CYP4F8: variants seen among roughly 807,000 people sequenced by gnomAD.
The protein encoded by CYP4F8 is cytochrome P450 4F8.
CYP4F8 carries 56 observed loss-of-function variants against 55.0 expected under a neutral mutation model. The ratio of observed to expected loss-of-function variants is 1.02; its 90% CI spans 0.82 to 1.27. The LOEUF (loss-of-function observed/expected upper bound fraction) is 1.27. CYP4F8 is among the 50% of genes most tolerant of loss of function. The pLI is 0.00. For missense variants in CYP4F8, 680 were observed against 682.4 expected (o/e 1.00, Z 0.04); for synonymous variants, 288 against 267.3 (o/e 1.08, Z -0.76).
intron 5 of CYP4F8, chr19:15,621,734 T>G (rs1972196619): frequency 6.4e-6 from 1 of 155,122 alleles, no homozygotes; most frequent in African/African-American, 2.4e-5. Context: ...CCATGGTGTA[T>G]GTGGTCTCAT....
chr19:15,627,108 T>C (rs1221314450), intron 9 of CYP4F8: 2 of 152,210 alleles, frequency 1.3e-5, no homozygotes, highest in Non-Finnish European at 2.9e-5. Flanking sequence ...TTATTTTTAT[T>C]AGTATGCATT....
chr19:15,623,458 G>T, intron 7 of CYP4F8, 83 bp downstream of exon 7: 1 of 1,572,870 alleles, frequency 6.4e-7, no homozygotes, highest in Non-Finnish European at 8.6e-7. Context: ...ACTTGATACA[G>T]AGGGCACTAA....
rs1296062810 is a variant in CYP4F8, at chr19:15,623,113, G to A, written c.656G>A (p.Ser219Asn). Reference protein sequence around the residue: ...SFDSNCQEKPSEYITAIMELS... With the variant: ...SFDSNCQEKPNEYITAIMELS... ...CTGGACTGGCCCTGCAGGAAGCCCA[G>A]TGAATATATTACTGCGATCATGGAG... Residue 219 changes from serine to asparagine, a missense_variant, in exon 7 of 13, where the codon AGT becomes AAT. By Grantham distance (46) the Ser-to-Asn change is conservative. Transcript: ENST00000612078. 6.2e-7 allele frequency: 1 copy of A among 1,613,536 alleles called. No individual in the cohort carries two copies.
intron 2 of CYP4F8, 76 bp downstream of exon 2, chr19:15,615,890 C>T (rs868137899): frequency 1.7e-5 from 13 of 784,008 alleles, no homozygotes; most frequent in Middle Eastern, 2.8e-4. Context: ...GGGGTGGGCT[C>T]GGGTCTGGGA....
intron 9 of CYP4F8, chr19:15,627,603 A>G (rs938740949): frequency 2.0e-5 from 3 of 152,222 alleles, no homozygotes; most frequent in Admixed American, 6.5e-5. Flanking sequence ...TGATTAGTTT[A>G]GAAATAATTG....
intron 3 of CYP4F8, 144 bp from the exon 4 acceptor site, chr19:15,619,346 T>C: frequency 4.7e-6 from 4 of 849,116 alleles, no homozygotes; most frequent in Non-Finnish European, 7.2e-6. Flanking sequence ...CCCACCCTCC[T>C]TTCTTCTTCT....
At chr19:15,619,213 T>C (rs926945975) in intron 3 of CYP4F8, 2 of 414,576 alleles carry the variant, frequency 4.8e-6, no homozygotes, top group Admixed American at 8.0e-5. Context: ...TATGCTTGGG[T>C]GTTGCAGAAC....
Position 15,630,386 on chromosome 19 carries a change from T to C in CYP4F8, c.*1028T>C, listed in dbSNP as rs1290588085. ...TTTATTACCATGTGTATCCAATGCA[T>C]ACCTCCCACTTATAAGTGAGAACAT... On this transcript the variant is annotated 3_prime_UTR_variant, in exon 13 of 13. Coordinates refer to ENST00000612078, the MANE Select transcript of CYP4F8 (RefSeq NM_007253.4). 6.6e-6 allele frequency: 1 copy of C among 152,174 alleles called. No individual in the cohort carries two copies. Among genetic ancestry groups the C allele is most frequent in the Non-Finnish European group, 1.5e-5 (1 of 68,028 alleles). The allele number at this position is 152,174 out of a possible 1,614,324, so 9.4% of individuals were successfully genotyped here.
intron 9 of CYP4F8, among the ~76,000 whole-genome samples, chr19:15,625,865 C>A (rs1202424517): frequency 6.6e-6 from 1 of 152,170 alleles, no homozygotes; most frequent in Non-Finnish European, 1.5e-5. Context: ...AGTATGATTA[C>A]AAAATGGTGG....
intron 5 of CYP4F8, among the ~76,000 whole-genome samples, chr19:15,620,788 T>G (rs1483375666): frequency 6.6e-6 from 1 of 152,188 alleles, no homozygotes; most frequent in Non-Finnish European, 1.5e-5. Context: ...CAAAATAGGC[T>G]CCATCTCTTA....
In CYP4F8 at chr19:15,628,418, G is replaced by A. The variant is rs1408078424; in HGVS notation, c.1232G>A (p.Ser411Asn). 2 of 1,614,132 alleles carry A rather than the reference G, an allele frequency of 1.2e-6. No homozygotes were observed. Among genetic ancestry groups the A allele is most frequent in the Admixed American group, 1.7e-5 (1 of 60,028 alleles). Residue 411 changes from serine (S) to asparagine (N), a missense_variant, in exon 10 of 13, where the codon AGC (serine) becomes AAC (asparagine). Ser to Asn is a conservative substitution (Grantham distance 46). Coordinates refer to ENST00000612078, the MANE Select transcript of CYP4F8 (RefSeq NM_007253.4). ...ACCCAGGACGTGGTGCTCCCAGACAGCCGAGTCATCCCCAAAGGTGCCCTC... is the reference window on the plus strand; with the variant it reads ...ACCCAGGACGTGGTGCTCCCAGACAACCGAGTCATCCCCAAAGGTGCCCTC... Reference protein sequence around the residue: ...GCTQDVVLPDSRVIPKGNVCN... With the variant: ...GCTQDVVLPDNRVIPKGNVCN...
chr19:15,623,062 T>A (rs1972214370), intron 6 of CYP4F8, 43 bp from the exon 7 acceptor site: 9 of 1,584,390 alleles, frequency 5.7e-6, no homozygotes, highest in Non-Finnish European at 7.7e-6. Flanking sequence ...CAGGCTTTCA[T>A]GTGGGTAAGG....
rs778592031 is a variant in CYP4F8, at chr19:15,622,209, C to T, written c.526-10C>T. On this transcript the variant is annotated splice_polypyrimidine_tract_variant and intron_variant, in intron 5 of 12. Transcript: ENST00000612078. Reference sequence around the variant, plus strand: ...GGCCTGGCCCCAGCCCTGCTCCCTTCTCTGGCCAGGCCAAGTGGCAACGCC... The same window carrying T: ...GGCCTGGCCCCAGCCCTGCTCCCTTTTCTGGCCAGGCCAAGTGGCAACGCC... 6.2e-7 allele frequency: 1 copy of T among 1,612,598 alleles called. No homozygotes were observed. Among genetic ancestry groups the T allele is most frequent in the Non-Finnish European group, 8.5e-7 (1 of 1,179,268 alleles).
In CYP4F8 at chr19:15,630,543, C is replaced by T. The variant is rs1487940096; in HGVS notation, c.*1185C>T. 1 of 152,246 alleles carries T rather than the reference C, an allele frequency of 6.6e-6. No individual in the cohort carries two copies. Among genetic ancestry groups the T allele is most frequent in the African/African-American group, 2.4e-5 (1 of 41,470 alleles). The allele number at this position is 152,246 out of a possible 1,614,324, so 9.4% of individuals were successfully genotyped here. On this transcript the variant is annotated 3_prime_UTR_variant, in exon 13 of 13. Transcript: ENST00000612078. ...TAGTATTTCATGGTGTATTTCTACA[C>T]ATTTTCTTTATCCACTCCACCATTG...
At chr19:15,617,742 T>C (rs1334196728) in intron 2 of CYP4F8, among the ~76,000 whole-genome samples, 1 of 152,174 alleles carries the variant, frequency 6.6e-6, no homozygotes, top group Non-Finnish European at 1.5e-5. Flanking sequence ...CAGGAGAAGA[T>C]GGATGTCTCA....
chr19:15,622,968 T>C, intron 6 of CYP4F8, 137 bp from the exon 7 acceptor site: 2 of 1,034,126 alleles, frequency 1.9e-6, no homozygotes, highest in African/African-American at 1.6e-5. Flanking sequence ...TCACAGAGAG[T>C]GGGAGGCAGA....
chr19:15,619,472 G>T lies in CYP4F8; in HGVS notation c.344-18G>T, dbSNP rs1204329096. 3.1e-6 allele frequency: 5 copies of T among 1,613,830 alleles called. No individual in the cohort carries two copies. Among genetic ancestry groups the T allele is most frequent in the Non-Finnish European group, 4.2e-6 (5 of 1,179,930 alleles). On this transcript the variant is annotated intron_variant, in intron 3 of 12. Coordinates refer to ENST00000612078, the MANE Select transcript of CYP4F8 (RefSeq NM_007253.4). ...TCTATTCCTCTCCATGGACCCTGAT[G>T]GTCCTCATTCATGTCAGATGCCATT...
chr19:15,628,460 G>A (rs1283763038), intron 10 of CYP4F8, 25 bp downstream of exon 10: 1 of 1,613,648 alleles, frequency 6.2e-7, no homozygotes, highest in South Asian at 1.1e-5. Context: ...AGGGGAGGAG[G>A]GTCCTGGGCA....
At position 15,628,293 on chromosome 19, in the gene CYP4F8, T is replaced by C. The variant is rs1972287079; in HGVS notation, c.1116-9T>C. The C allele has an allele frequency of 6.2e-7, 1 of 1,613,782 alleles. No homozygotes were observed. Among genetic ancestry groups the C allele is most frequent in the East Asian group, 2.2e-5 (1 of 44,856 alleles). On this transcript the variant is annotated splice_polypyrimidine_tract_variant and intron_variant, in intron 9 of 12. Coordinates refer to ENST00000612078, the MANE Select transcript of CYP4F8 (RefSeq NM_007253.4). Reference sequence around the variant, plus strand: ...ATGCTCTCTGGATAATTGTTGGGTGTTTCCTTAGGGACGACCTGGCCCAGT... The same window carrying C: ...ATGCTCTCTGGATAATTGTTGGGTGCTTCCTTAGGGACGACCTGGCCCAGT...
Sources: allele counts gnomAD v4.1 joint callset (sites outside exome capture counted in the v4.1 genomes callset), GRCh38; gene constraint gnomAD v4.1.1; transcripts MANE v1.5; gene names NCBI Gene and HGNC (gene_info 2026-07-23, HGNC 2026-07-21).